ITGAD: variants seen among roughly 807,000 people sequenced by gnomAD.
The protein encoded by ITGAD is integrin alpha-D.
A neutral mutation model predicts 139.0 loss-of-function variants in ITGAD; 105 were observed. That is an observed-to-expected ratio of 0.76 (90% CI 0.65 to 0.89). The LOEUF is 0.89. ITGAD is among the 40% of genes least tolerant of loss of function. ITGAD has a pLI of 0.00. For missense variants in ITGAD, 1,384 were observed against 1,487.3 expected (o/e 0.93, Z 1.14); for synonymous variants, 569 against 598.3 (o/e 0.95, Z 0.71).
intron 10 of ITGAD, 29 bp from the exon 11 acceptor site, chr16:31,410,366 T>G (rs772071497): frequency 1.9e-6 from 3 of 1,613,666 alleles, no homozygotes; most frequent in Non-Finnish European, 2.5e-6. Flanking sequence ...CTCTAGTCTC[T>G]GCCCAGCCCT....
chr16:31,397,913 G>A lies in ITGAD; in HGVS notation c.427+4G>A, dbSNP rs368342016. On this transcript the variant is annotated splice_donor_region_variant and intron_variant, in intron 5 of 29. Coordinates refer to ENST00000389202, the MANE Select transcript of ITGAD (RefSeq NM_005353.3). ...ACAGTCCCCGACGCCACGCCAGGTAGGTCCCTGGCAGGCCATGGTTCCCTG... is the reference window on the plus strand; with the variant it reads ...ACAGTCCCCGACGCCACGCCAGGTAAGTCCCTGGCAGGCCATGGTTCCCTG... 179 of 1,604,390 alleles carry A rather than the reference G, an allele frequency of 1.1e-4. No individual in the cohort carries two copies. The African/African-American group carries it at 2.1e-3, about 19-fold the overall frequency.
chr16:31,418,851 T>A (rs1464009871), intron 23 of ITGAD, among the ~76,000 whole-genome samples: 2 of 152,090 alleles, frequency 1.3e-5, no homozygotes, highest in African/African-American at 4.8e-5. Context: ...TGAAACCCCA[T>A]CTCTACTAAA....
intron 28 of ITGAD, 50 bp downstream of exon 28, chr16:31,424,253 G>A (rs771298232): frequency 2.5e-6 from 4 of 1,605,056 alleles, no homozygotes; most frequent in Admixed American, 1.7e-5. Flanking sequence ...GACCCCTAGG[G>A]CTACATCTGT....
chr16:31,419,023 CAA>C (rs34885660), intron 23 of ITGAD, among the ~76,000 whole-genome samples: 9 of 89,954 alleles, frequency 1.0e-4, no homozygotes, highest in Non-Finnish European at 6.3e-5. Context: ...GACTCTGTCT[CAA>C]AAAAAAAAAA....
In ITGAD at chr16:31,418,574, C is replaced by T. The variant is rs2081946294; in HGVS notation, c.2780+10C>T. ...ACACCATGATCAGCAGGTGCCCAGT[C>T]CCTGGCCTTCCCCTTGGACCTCTGG... On this transcript the variant is annotated intron_variant, in intron 23 of 29. Coordinates refer to ENST00000389202, the MANE Select transcript of ITGAD (RefSeq NM_005353.3). 2 of 1,608,650 alleles carry T rather than the reference C, an allele frequency of 1.2e-6. No homozygotes were observed. The highest frequency in any genetic ancestry group is 8.5e-7 in the Non-Finnish European group (1 of 1,175,044).
rs2081510364 is a variant in ITGAD at position 31,405,320 on chromosome 16, GTCT to G, written c.704+1680_704+1682del. Among the ~76,000 whole-genome samples the G allele has an allele frequency of 2.6e-5, 4 of 151,882 alleles. No homozygotes were observed. The South Asian group carries it at 8.3e-4, about 32-fold the overall frequency. On this transcript the variant is annotated intron_variant, in intron 7 of 29. Coordinates refer to ENST00000389202, the MANE Select transcript of ITGAD (RefSeq NM_005353.3). ...CTTTCTTTTCTTCCCTTTCTTTCTTGTCTTCTTTTTTTAAAAAGAAGTTTTATT... is the reference window on the plus strand; with the variant it reads ...CTTTCTTTTCTTCCCTTTCTTTCTTGTCTTTTTTTAAAAAGAAGTTTTATT...
Position 31,412,962 on chromosome 16 carries a change from T to G in ITGAD, c.1832T>G (p.Leu611Arg). The G allele has an allele frequency of 1.9e-6, 3 of 1,607,166 alleles. No individual in the cohort carries two copies. Among genetic ancestry groups the G allele is most frequent in the South Asian group, 2.2e-5 (2 of 90,050 alleles). The part of the protein sequence containing the change: ...LAVGARGQVL[L>R]LRSLPVLKVG... Reference sequence around the variant, plus strand: ...GTGGGGGCCCGGGGCCAGGTGCTCCTGCTCAGGTAGCGACTCCCCAACATC... The same window carrying G: ...GTGGGGGCCCGGGGCCAGGTGCTCCGGCTCAGGTAGCGACTCCCCAACATC... Residue 611 changes from leucine to arginine, a missense_variant, in exon 15 of 30, where the codon CTG becomes CGG. By Grantham distance (102) the Leu-to-Arg change is moderately radical. Coordinates refer to ENST00000389202, the MANE Select transcript of ITGAD (RefSeq NM_005353.3).
chr16:31,414,831 C>T (rs1597148066), intron 17 of ITGAD, 29 bp from the exon 18 acceptor site: 1 of 1,611,436 alleles, frequency 6.2e-7, no homozygotes, highest in East Asian at 2.2e-5. Context: ...GAGAGGACAG[C>T]AGGTTCTTGA....
chr16:31,424,644 C>G, intron 29 of ITGAD, 67 bp downstream of exon 29: 1 of 1,086,404 alleles, frequency 9.2e-7, no homozygotes, highest in African/African-American at 1.6e-5. Flanking sequence ...ACTGCCCAGG[C>G]TGGAGTGCAA....
intron 28 of ITGAD, 120 bp from the exon 29 acceptor site, chr16:31,424,347 C>T: frequency 2.4e-6 from 3 of 1,244,332 alleles, no homozygotes; most frequent in Middle Eastern, 1.9e-4. Context: ...GGCACGGGTG[C>T]TACTGTGTCT....
intron 10 of ITGAD, among the ~76,000 whole-genome samples, chr16:31,409,911 CAAAAAAAAAAAAAA>C (rs11447533): frequency 1.1e-5 from 1 of 89,790 alleles, no homozygotes; most frequent in African/African-American, 4.4e-5. Context: ...CAGCCTGTCT[CAAAAAAAAAAAAAA>C]AAAAAAGAAA....
chr16:31,395,109 G>A (rs997269751), intron 2 of ITGAD, among the ~76,000 whole-genome samples: 1 of 152,290 alleles, frequency 6.6e-6, no homozygotes, highest in Middle Eastern at 3.4e-3. Flanking sequence ...CTGAGGCCAG[G>A]AGTTTGAGAC....
At chr16:31,395,678 C>T (rs933016417) in intron 2 of ITGAD, among the ~76,000 whole-genome samples, 6 of 152,138 alleles carry the variant, frequency 3.9e-5, no homozygotes, top group African/African-American at 1.4e-4. Flanking sequence ...CCCCCACTTC[C>T]AGGAGCTCAC....
chr16:31,423,807 G>A (rs1757139571), intron 26 of ITGAD, 38 bp from the exon 27 acceptor site: 1 of 1,608,198 alleles, frequency 6.2e-7, no homozygotes, highest in African/African-American at 1.3e-5. Context: ...CCCTCCTCAG[G>A]GAAGAACCCC....
chr16:31,406,278 T>C (rs1240646227), intron 7 of ITGAD, among the ~76,000 whole-genome samples: 1 of 152,172 alleles, frequency 6.6e-6, no homozygotes, highest in Non-Finnish European at 1.5e-5. Flanking sequence ...TTTCACCATG[T>C]TGGTCAGGCT....
In ITGAD at chr16:31,426,077, A is replaced by C. The variant is rs1204926627; in HGVS notation, c.3435A>C (p.Thr1145=). Residue 1145 remains threonine (T), a synonymous_variant, in exon 30 of 30, where the codon ACA becomes ACC. Transcript: ENST00000389202. ...MLEDKPEDTA[T]FSGDDFSCVA... ...AGGACAAGCCTGAAGACACTGCCAC[A>C]TTCAGTGGGGACGATTTCAGCTGTG... The C allele has an allele frequency of 1.9e-6, 3 of 1,613,990 alleles. No individual in the cohort carries two copies. The highest frequency in any genetic ancestry group is 2.5e-6 in the Non-Finnish European group (3 of 1,179,954).
intron 2 of ITGAD, among the ~76,000 whole-genome samples, chr16:31,395,930 A>C (rs1432033890): frequency 6.6e-6 from 1 of 152,106 alleles, no homozygotes; most frequent in Non-Finnish European, 1.5e-5. Context: ...GGAAGCAAGC[A>C]CCAGGCACCA....
intron 5 of ITGAD, among the ~76,000 whole-genome samples, chr16:31,400,205 C>T (rs999265583): frequency 3.9e-5 from 6 of 152,208 alleles, no homozygotes; most frequent in African/African-American, 1.4e-4. Context: ...GGATCTGCAG[C>T]CTGCCCCATG....
At chr16:31,422,059 T>C (rs2082017545) in intron 23 of ITGAD, among the ~76,000 whole-genome samples, 2 of 151,438 alleles carry the variant, frequency 1.3e-5, no homozygotes, top group Admixed American at 6.6e-5. Flanking sequence ...GCCTCCTGAG[T>C]AGCTGGGACC....
Sources: allele counts gnomAD v4.1 joint callset (sites outside exome capture counted in the v4.1 genomes callset), GRCh38; gene constraint gnomAD v4.1.1; transcripts MANE v1.5; gene names NCBI Gene and HGNC (gene_info 2026-07-23, HGNC 2026-07-21).